ITGA2: variants seen among roughly 807,000 people sequenced by gnomAD.
The protein encoded by ITGA2 is integrin subunit alpha 2, also known as integrin alpha-2.
A neutral mutation model predicts 146.3 loss-of-function variants in ITGA2; 101 were observed. The ratio of observed to expected loss-of-function variants is 0.69; its 90% confidence interval spans 0.59 to 0.81. The LOEUF (loss-of-function observed/expected upper bound fraction) is 0.81. Among genes scored for constraint, ITGA2 ranks in the 40% least tolerant of loss-of-function variants. The pLI, the probability that ITGA2 is intolerant of heterozygous loss-of-function variation, is 0.00. For synonymous variants in ITGA2, 477 were observed against 487.1 expected (o/e 0.98, Z 0.27); for missense variants, 1,281 against 1,402.7 (o/e 0.91, Z 1.39).
chr5:53,079,467 A>G (rs1745813027), intron 24 of ITGA2, among the ~76,000 whole-genome samples: 2 of 152,156 alleles, frequency 1.3e-5, no homozygotes, highest in South Asian at 4.1e-4. Flanking sequence ...TAATCTAAAG[A>G]TTACTACCAG....
chr5:53,061,255 T>C (rs1744896476), intron 12 of ITGA2, among the ~76,000 whole-genome samples: 1 of 151,916 alleles, frequency 6.6e-6, no homozygotes, highest in Admixed American at 6.6e-5. Flanking sequence ...GGAATTTAGC[T>C]AGCTTTCTAA....
In ITGA2 at chr5:53,061,046, G is replaced by C; in HGVS notation, c.1458G>C (p.Gln486His). ...ITVIQAHRGD[Q>H]IGSYFGSVLC... Reference sequence around the variant, plus strand: ...TTATTCAGGCTCACCGAGGTGACCAGGTAAATCTCACTGTTTAGCAGGTGA... The same window carrying C: ...TTATTCAGGCTCACCGAGGTGACCACGTAAATCTCACTGTTTAGCAGGTGA... The change falls in exon 12 of 30, where the codon CAG becomes CAC. Residue 486 changes from glutamine to histidine, a missense_variant and splice_region_variant. Gln to His is a conservative substitution (Grantham distance 24). This residue lies in a region of ITGA2 where 795 missense variants were observed against 841.7 expected (regional missense o/e 0.94). Coordinates refer to ENST00000296585, the MANE Select transcript of ITGA2 (RefSeq NM_002203.4). The C allele has an allele frequency of 6.2e-7, 1 of 1,611,942 alleles. No individual in the cohort carries two copies. Among genetic ancestry groups the C allele is most frequent in the Non-Finnish European group, 8.5e-7 (1 of 1,178,578 alleles).
chr5:53,066,999 T>C, intron 15 of ITGA2, 119 bp from the exon 16 acceptor site: 2 of 1,007,450 alleles, frequency 2.0e-6, no homozygotes, highest in Non-Finnish European at 3.0e-6. Context: ...CTAAAGTGCT[T>C]TGATAGAGAG....
chr5:53,084,560 T>G (rs901644200), intron 27 of ITGA2, among the ~76,000 whole-genome samples: 1 of 152,182 alleles, frequency 6.6e-6, no homozygotes, highest in Non-Finnish European at 1.5e-5. Flanking sequence ...AGTGAGGAGT[T>G]GAATATTTCT....
At position 53,055,981 on chromosome 5, in the gene ITGA2, A is replaced by G. The variant is rs778509953; in HGVS notation, c.931-3A>G. Reference sequence around the variant, plus strand: ...CTGCACATTCTCTTCCTCTATTTTCAAGGTTCTTGGGTACTTAAACAGAAA... The same window carrying G: ...CTGCACATTCTCTTCCTCTATTTTCGAGGTTCTTGGGTACTTAAACAGAAA... On this transcript the variant is annotated splice_polypyrimidine_tract_variant and splice_region_variant and intron_variant, in intron 8 of 29. Coordinates refer to ENST00000296585, the MANE Select transcript of ITGA2 (RefSeq NM_002203.4). The G allele has an allele frequency of 6.2e-7, 1 of 1,608,378 alleles. No individual in the cohort carries two copies. The highest frequency in any genetic ancestry group is 8.5e-7 in the Non-Finnish European group (1 of 1,177,320).
intron 13 of ITGA2, among the ~76,000 whole-genome samples, chr5:53,063,404 A>G (rs3212547): frequency 2.6e-5 from 4 of 151,896 alleles, no homozygotes; most frequent in Admixed American, 1.3e-4. Context: ...AGGAAGTGTC[A>G]TTGCTTAGTG....
chr5:53,011,582 T>C (rs1742129601), intron 1 of ITGA2, among the ~76,000 whole-genome samples: 1 of 152,140 alleles, frequency 6.6e-6, no homozygotes, highest in African/African-American at 2.4e-5. Flanking sequence ...TATCTGCACC[T>C]CAGTTTATCA....
intron 1 of ITGA2, among the ~76,000 whole-genome samples, chr5:53,020,359 A>G (rs2111785027): frequency 6.6e-6 from 1 of 152,316 alleles, no homozygotes; most frequent in East Asian, 1.9e-4. Flanking sequence ...TTGAAGTGTT[A>G]TTATGTGACC....
chr5:53,076,499 C>T (rs1216133241), intron 23 of ITGA2, among the ~76,000 whole-genome samples: 1 of 151,998 alleles, frequency 6.6e-6, no homozygotes, highest in African/African-American at 2.4e-5. Context: ...CTGAAAAAGT[C>T]ATCAGTAACT....
rs1742539730 is a variant in ITGA2, at chr5:53,019,006, G to GTGAGCGGAGATCGTGCCAT, written c.65-7739_65-7721dup. ...TTGAACCCGGGAGGCGGAGGTTGCAGTGAGCGGAGATCGTGCCATTGCTCT... is the reference window on the plus strand; with the variant it reads ...TTGAACCCGGGAGGCGGAGGTTGCAGTGAGCGGAGATCGTGCCATTGAGCGGAGATCGTGCCATTGCTCT... On this transcript the variant is annotated intron_variant, in intron 1 of 29. Coordinates refer to ENST00000296585, the MANE Select transcript of ITGA2 (RefSeq NM_002203.4). 2.6e-5 allele frequency among the ~76,000 whole-genome samples: 4 copies of GTGAGCGGAGATCGTGCCAT among 152,230 alleles called. No homozygotes were observed. In the South Asian group the frequency reaches 8.3e-4, roughly 32 times the overall value.
chr5:53,074,469 GAAC>G lies in ITGA2; in HGVS notation c.2661_2663del (p.Gln888del). 6.2e-7 allele frequency: 1 copy of G among 1,611,658 alleles called. No homozygotes were observed. Among genetic ancestry groups the G allele is most frequent in the African/African-American group, 1.3e-5 (1 of 74,872 alleles). ...TGTAGGCTACCCTGCTTTAAAGAGA[GAAC>G]AACAGGTACAACTTGCATTTCATCC... On this transcript the variant is annotated inframe_deletion, in exon 21 of 30. Coordinates refer to ENST00000296585, the MANE Select transcript of ITGA2 (RefSeq NM_002203.4).
At chr5:53,063,228 C>A (rs1030643101) in intron 13 of ITGA2, among the ~76,000 whole-genome samples, 1 of 151,866 alleles carries the variant, frequency 6.6e-6, no homozygotes, top group Non-Finnish European at 1.5e-5. Flanking sequence ...TATGCACACA[C>A]ACAAACATTT....
intron 1 of ITGA2, among the ~76,000 whole-genome samples, chr5:53,025,846 A>T (rs1742918527): frequency 6.6e-6 from 1 of 152,216 alleles, no homozygotes; most frequent in Admixed American, 6.5e-5. Flanking sequence ...ATATCCACAC[A>T]ACCTTCTTTC....
chr5:53,087,437 T>A (rs1405620545), intron 28 of ITGA2, among the ~76,000 whole-genome samples: 1 of 152,194 alleles, frequency 6.6e-6, no homozygotes, highest in African/African-American at 2.4e-5. Flanking sequence ...AACTTAATCA[T>A]GCTTATTTAA....
intron 13 of ITGA2, among the ~76,000 whole-genome samples, chr5:53,063,851 A>G (rs940518095): frequency 6.6e-6 from 1 of 151,874 alleles, no homozygotes; most frequent in African/African-American, 2.4e-5. Context: ...CCTTCTTTAA[A>G]TATTTCTTAC....
chr5:53,089,899 C>CT (rs766902221), intron 28 of ITGA2, 47 bp from the exon 29 acceptor site: 50 of 1,139,290 alleles, frequency 4.4e-5, no homozygotes, highest in Non-Finnish European at 6.4e-5. Flanking sequence ...CATCTCCCCC[C>CT]TTTTTTGTGG....
rs1293611209 is a variant in ITGA2 at position 53,093,899 on chromosome 5, TAAG to T, written c.*3303_*3305del. The T allele has an allele frequency of 6.6e-6, 1 of 152,592 alleles. No individual in the cohort carries two copies. Among genetic ancestry groups the T allele is most frequent in the Non-Finnish European group, 1.5e-5 (1 of 68,012 alleles). 9.5% of individuals were successfully genotyped at this position (152,592 alleles called of 1,614,324 possible). A position where few individuals can be genotyped will look rare whatever the true frequency, so the allele number is the denominator to read the frequency against. ...TGCATGACTCATTTCAGCAGCAAAA[TAAG>T]AACTCCTAACTGAACAGAAATTTTT... On this transcript the variant is annotated 3_prime_UTR_variant, in exon 30 of 30. Coordinates refer to ENST00000296585, the MANE Select transcript of ITGA2 (RefSeq NM_002203.4).
At chr5:53,050,700 A>G (rs759989033) in intron 6 of ITGA2, among the ~76,000 whole-genome samples, 3 of 152,230 alleles carry the variant, frequency 2.0e-5, no homozygotes, top group Non-Finnish European at 4.4e-5. Flanking sequence ...AAACAAGGAC[A>G]TTAACAGAAG....
chr5:52,996,003 G>A (rs144297056), intron 1 of ITGA2, among the ~76,000 whole-genome samples: 4 of 152,278 alleles, frequency 2.6e-5, no homozygotes, highest in African/African-American at 9.6e-5. Flanking sequence ...AAGAAGTCAA[G>A]CAAGTTGATA....
Sources: gnomAD v4.1 joint callset for allele counts (sites outside exome capture counted in the v4.1 genomes callset) on GRCh38, gnomAD v4.1.1 for gene constraint, gnomAD v4.1.1 regional missense constraint, MANE v1.5 for transcripts, NCBI Gene and HGNC (gene_info 2026-07-23, HGNC 2026-07-21) for gene names.